The following HCRTR2 variants were observed in gnomAD, a reference collection of about 807,000 sequenced individuals.
HCRTR2 encodes hypocretin receptor 2, also known as orexin receptor type 2.
A neutral mutation model predicts 49.0 loss-of-function variants in HCRTR2; 22 were observed. That is an observed-to-expected ratio of 0.45 (90% confidence interval 0.32 to 0.64). The LOEUF (loss-of-function observed/expected upper bound fraction) is 0.64, where lower values mean the gene tolerates loss of function less well. HCRTR2 is among the 30% of genes least tolerant of loss of function. HCRTR2 has a pLI of 0.04. For synonymous variants in HCRTR2, 236 were observed against 205.3 expected (o/e 1.15, Z -1.28); for missense variants, 491 against 559.4 (o/e 0.88, Z 1.23).
At chr6:55,263,058 G>A (rs1473834093) in intron 3 of HCRTR2, among the ~76,000 whole-genome samples, 1 of 151,088 alleles carries the variant, frequency 6.6e-6, no homozygotes, top group African/African-American at 2.4e-5. Context: ...GTATATACAT[G>A]TATTTTTAAT....
chr6:55,277,659 A>AG (rs1767104914), intron 5 of HCRTR2, 59 bp downstream of exon 5: 1 of 1,156,436 alleles, frequency 8.6e-7, no homozygotes, highest in Non-Finnish European at 1.2e-6. Flanking sequence ...TTCTTAATTA[A>AG]CTTTTTTTTT....
intron 1 of HCRTR2, among the ~76,000 whole-genome samples, chr6:55,162,486 A>C (rs1764820695): frequency 6.6e-6 from 1 of 152,224 alleles, no homozygotes; most frequent in South Asian, 2.1e-4. Flanking sequence ...AGTTCTGGCC[A>C]GGGCAATCAG....
At chr6:55,126,410 G>T (rs1581785215) in intron 1 of HCRTR2, among the ~76,000 whole-genome samples, 1 of 152,296 alleles carries the variant, frequency 6.6e-6, no homozygotes. Context: ...GACCCTGTTT[G>T]CCTGAGTATC....
intron 1 of HCRTR2, among the ~76,000 whole-genome samples, chr6:55,227,150 T>A (rs1766024839): frequency 6.6e-6 from 1 of 152,108 alleles, no homozygotes; most frequent in African/African-American, 2.4e-5. Context: ...TTAATCCATG[T>A]GTTACAGTTA....
chr6:55,239,223 G>A (rs1182961628), intron 1 of HCRTR2, among the ~76,000 whole-genome samples: 1 of 152,150 alleles, frequency 6.6e-6, no homozygotes, highest in Non-Finnish European at 1.5e-5. Flanking sequence ...CTTTTCCTCA[G>A]GCCAGCCTTA....
intron 1 of HCRTR2, among the ~76,000 whole-genome samples, chr6:55,176,904 T>C (rs1269687054): frequency 1.3e-5 from 2 of 152,214 alleles, no homozygotes; most frequent in Non-Finnish European, 2.9e-5. Context: ...AGTAATTTTT[T>C]TATGAATAGC....
chr6:55,186,547 G>A (rs181054231), intron 1 of HCRTR2, among the ~76,000 whole-genome samples: 3 of 152,210 alleles, frequency 2.0e-5, no homozygotes, highest in Admixed American at 2.0e-4. Context: ...AAATTTGGTA[G>A]CTTTTTGTTC....
intron 1 of HCRTR2, among the ~76,000 whole-genome samples, chr6:55,215,903 G>C (rs1385434622): frequency 6.6e-6 from 1 of 152,150 alleles, no homozygotes; most frequent in African/African-American, 2.4e-5. Context: ...GTCATTTATA[G>C]AGAAAATAAA....
At chr6:55,133,874 T>G (rs1682753077) in intron 1 of HCRTR2, among the ~76,000 whole-genome samples, 1 of 151,852 alleles carries the variant, frequency 6.6e-6, no homozygotes, top group Admixed American at 6.6e-5. Context: ...TATAAAAAAT[T>G]TCTTGATTTC....
chr6:55,178,950 C>T (rs1449489564), intron 1 of HCRTR2, among the ~76,000 whole-genome samples: 1 of 152,186 alleles, frequency 6.6e-6, no homozygotes, highest in African/African-American at 2.4e-5. Flanking sequence ...ATAACACACA[C>T]ATTGGTAATA....
chr6:55,144,836 A>G (rs891066784), intron 1 of HCRTR2, among the ~76,000 whole-genome samples: 1 of 152,154 alleles, frequency 6.6e-6, no homozygotes, highest in Non-Finnish European at 1.5e-5. Flanking sequence ...CGTCTAGACC[A>G]TGCTTATCTT....
intron 1 of HCRTR2, among the ~76,000 whole-genome samples, chr6:55,223,103 CTT>C (rs1354014774): frequency 6.6e-6 from 1 of 152,104 alleles, no homozygotes; most frequent in African/African-American, 2.4e-5. Context: ...TATAAACTAT[CTT>C]TTTTTGTTCT....
At chr6:55,190,487 G>A (rs184740091) in intron 1 of HCRTR2, among the ~76,000 whole-genome samples, 7 of 152,248 alleles carry the variant, frequency 4.6e-5, no homozygotes, top group Non-Finnish European at 8.8e-5. Flanking sequence ...TAAGTGTATG[G>A]TGGCCATTAG....
intron 1 of HCRTR2, among the ~76,000 whole-genome samples, chr6:55,153,810 T>C (rs192856101): frequency 1.3e-5 from 2 of 151,556 alleles, no homozygotes; most frequent in East Asian, 3.9e-4. Context: ...CAAAAATAAA[T>C]AATATAGAGA....
intron 1 of HCRTR2, among the ~76,000 whole-genome samples, chr6:55,205,579 A>G (rs1765586288): frequency 6.6e-6 from 1 of 152,168 alleles, no homozygotes; most frequent in Non-Finnish European, 1.5e-5. Flanking sequence ...AATTCAACAG[A>G]GAATAGACAG....
intron 3 of HCRTR2, among the ~76,000 whole-genome samples, chr6:55,256,911 T>C (rs1766663598): frequency 6.6e-6 from 1 of 152,130 alleles, no homozygotes; most frequent in South Asian, 2.1e-4. Flanking sequence ...ATCAGTATTT[T>C]AATATATTTA....
chr6:55,159,143 A>G (rs1311019462), intron 1 of HCRTR2, among the ~76,000 whole-genome samples: 2 of 152,138 alleles, frequency 1.3e-5, no homozygotes, highest in African/African-American at 2.4e-5. Flanking sequence ...TGTAGCCTCT[A>G]CTGGTGATAC....
intron 4 of HCRTR2, among the ~76,000 whole-genome samples, chr6:55,270,707 G>A (rs528593320): frequency 5.3e-5 from 8 of 152,120 alleles, no homozygotes; most frequent in Non-Finnish European, 1.2e-4. Flanking sequence ...TTTATAAAAT[G>A]TAAGTAAGTT....
chr6:55,191,262 A>G (rs1161924346), intron 1 of HCRTR2, among the ~76,000 whole-genome samples: 1 of 152,242 alleles, frequency 6.6e-6, no homozygotes, highest in Non-Finnish European at 1.5e-5. Context: ...TTAAACTTAT[A>G]CAACTTTGCA....
Sources: allele counts gnomAD v4.1 joint callset (sites outside exome capture counted in the v4.1 genomes callset), GRCh38; gene constraint gnomAD v4.1.1; transcripts MANE v1.5; gene names NCBI Gene and HGNC (gene_info 2026-07-23, HGNC 2026-07-21).